The following CNTNAP2 variants were observed in gnomAD, a reference collection of about 807,000 sequenced individuals.
CNTNAP2 encodes contactin-associated protein-like 2.
A neutral mutation model predicts 155.2 loss-of-function variants in CNTNAP2; 98 were observed. The ratio of observed to expected loss-of-function variants is 0.63; its 90% CI spans 0.54 to 0.75. The LOEUF (loss-of-function observed/expected upper bound fraction) is 0.75, where lower values mean the gene tolerates loss of function less well. Among genes scored for constraint, CNTNAP2 ranks in the 30% least tolerant of loss-of-function variants. The pLI, the probability that CNTNAP2 is intolerant of heterozygous loss-of-function variation, is 0.00. For missense variants in CNTNAP2, 1,727 were observed against 1,688.1 expected (o/e 1.02, Z -0.40); for synonymous variants, 651 against 631.2 (o/e 1.03, Z -0.47).
At chr7:148,107,078 G>T (rs1804239872) in intron 15 of CNTNAP2, among the ~76,000 whole-genome samples, 1 of 152,128 alleles carries the variant, frequency 6.6e-6, no homozygotes, top group Non-Finnish European at 1.5e-5. Flanking sequence ...TCTTAGACTT[G>T]TTCCCACCCT....
intron 9 of CNTNAP2, among the ~76,000 whole-genome samples, chr7:147,320,650 A>G (rs1244859049): frequency 6.6e-6 from 1 of 152,164 alleles, no homozygotes; most frequent in Non-Finnish European, 1.5e-5. Flanking sequence ...TTACTGTGAA[A>G]TACACTCCTC....
At chr7:146,525,173 T>C (rs1402571442) in intron 1 of CNTNAP2, among the ~76,000 whole-genome samples, 1 of 152,132 alleles carries the variant, frequency 6.6e-6, no homozygotes, top group Non-Finnish European at 1.5e-5. Context: ...ATTGAATTGT[T>C]TGGGCCCTGG....
chr7:146,732,814 T>C (rs1003474085), intron 1 of CNTNAP2, among the ~76,000 whole-genome samples: 4 of 152,152 alleles, frequency 2.6e-5, no homozygotes, highest in Non-Finnish European at 4.4e-5. Context: ...CATCTCTAGA[T>C]TACTTGTAAT....
intron 1 of CNTNAP2, among the ~76,000 whole-genome samples, chr7:146,289,747 A>G (rs1800399351): frequency 6.6e-6 from 1 of 152,234 alleles, no homozygotes; most frequent in African/African-American, 2.4e-5. Context: ...TTACTAAAAA[A>G]TAAATTTTAT....
intron 3 of CNTNAP2, among the ~76,000 whole-genome samples, chr7:146,938,278 G>A (rs182806529): frequency 4.0e-4 from 60 of 151,838 alleles, no homozygotes; most frequent in Admixed American, 2.4e-3. Flanking sequence ...AATTAAGAGC[G>A]TCCTAAAATT....
chr7:147,022,646 G>T (rs1245747347), intron 3 of CNTNAP2, among the ~76,000 whole-genome samples: 1 of 146,558 alleles, frequency 6.8e-6, no homozygotes, highest in Admixed American at 6.8e-5. Flanking sequence ...TATAAAATAA[G>T]ATCTCTGGAG....
chr7:147,638,625 G>C (rs970929380), intron 12 of CNTNAP2, among the ~76,000 whole-genome samples: 3 of 152,148 alleles, frequency 2.0e-5, no homozygotes, highest in African/African-American at 7.2e-5. Flanking sequence ...TCAGTGTGAA[G>C]AGAACATTTG....
At chr7:147,429,334 G>C (rs999832223) in intron 10 of CNTNAP2, among the ~76,000 whole-genome samples, 1 of 152,020 alleles carries the variant, frequency 6.6e-6, no homozygotes, top group Admixed American at 6.6e-5. Flanking sequence ...CTGATAATTA[G>C]TGATATTGAG....
intron 18 of CNTNAP2, among the ~76,000 whole-genome samples, chr7:148,188,005 A>G (rs1342391962): frequency 6.6e-6 from 1 of 151,472 alleles, no homozygotes; most frequent in Non-Finnish European, 1.5e-5. Flanking sequence ...ACACACATGC[A>G]CACACACACA....
At position 148,267,124 on chromosome 7, in the gene CNTNAP2, T is replaced by A. The variant is rs1064794544; in HGVS notation, c.3473T>A (p.Ile1158Lys). 28 of 1,613,032 alleles carry A rather than the reference T, an allele frequency of 1.7e-5. No individual in the cohort carries two copies. Among genetic ancestry groups the A allele is most frequent in the Non-Finnish European group, 2.2e-5 (26 of 1,179,124 alleles). The change falls in exon 21 of 24, where the codon ATA (isoleucine) becomes AAA (lysine). Residue 1158 changes from isoleucine (I) to lysine (K), a missense_variant and splice_region_variant. Coordinates refer to ENST00000361727, the MANE Select transcript of CNTNAP2 (RefSeq NM_014141.6). ...AAGTCGCTCTTTCTGGGAAAAGTTA[T>A]AGGTAAGAATGTGGTTCGTTAGGTA... ...SPKSLFLGKV[I>K]ETGKIDQEIH...
At chr7:147,916,843 C>T (rs1254695022) in intron 14 of CNTNAP2, among the ~76,000 whole-genome samples, 1 of 152,158 alleles carries the variant, frequency 6.6e-6, no homozygotes, top group African/African-American at 2.4e-5. Flanking sequence ...ACTGAAAGTT[C>T]ACCCTCACAC....
At chr7:146,570,661 A>G (rs937161622) in intron 1 of CNTNAP2, among the ~76,000 whole-genome samples, 2 of 152,136 alleles carry the variant, frequency 1.3e-5, no homozygotes, top group African/African-American at 2.4e-5. Flanking sequence ...GAAATTGTCT[A>G]TATATGCTAT....
At chr7:147,397,600 A>C (rs907403119) in intron 10 of CNTNAP2, among the ~76,000 whole-genome samples, 1 of 151,976 alleles carries the variant, frequency 6.6e-6, no homozygotes, top group Admixed American at 6.6e-5. Context: ...TGAGATATTA[A>C]TGTTTTACTC....
intron 19 of CNTNAP2, 64 bp from the exon 20 acceptor site, chr7:148,229,582 G>A (rs1178978516): frequency 1.9e-6 from 3 of 1,549,178 alleles, no homozygotes; most frequent in Admixed American, 1.7e-5. Context: ...GGAATTGAGG[G>A]GATGTGACAT....
At chr7:146,543,604 TA>T (rs1215460836) in intron 1 of CNTNAP2, among the ~76,000 whole-genome samples, 3 of 151,944 alleles carry the variant, frequency 2.0e-5, no homozygotes, top group Non-Finnish European at 4.4e-5. Context: ...CATTTCACTG[TA>T]ATACCCTAAT....
At chr7:146,877,625 A>G (rs760093426) in intron 3 of CNTNAP2, among the ~76,000 whole-genome samples, 24 of 84,778 alleles carry the variant, frequency 2.8e-4, no homozygotes, top group Admixed American at 3.6e-4. Context: ...ATGTGTGTGT[A>G]TGTATGTATG....
intron 15 of CNTNAP2, among the ~76,000 whole-genome samples, chr7:148,041,834 A>C (rs2116479434): frequency 6.6e-6 from 1 of 152,326 alleles, no homozygotes; most frequent in South Asian, 2.1e-4. Context: ...AGGCTAAAAA[A>C]AGGTAGAATG....
Position 147,981,727 on chromosome 7 carries a change from A to G in CNTNAP2, c.2383+3738A>G, listed in dbSNP as rs189349079. Among the ~76,000 whole-genome samples, 261 of 152,034 alleles carry G rather than the reference A, an allele frequency of 1.7e-3. 1 individual carries two copies. The highest frequency in any genetic ancestry group is 2.6e-3 in the Non-Finnish European group (177 of 67,984). On this transcript the variant is annotated intron_variant, in intron 15 of 23. Coordinates refer to ENST00000361727, the MANE Select transcript of CNTNAP2 (RefSeq NM_014141.6). ...TCAAAATGCTAAAGAAAATCAGTGC[A>G]TGCCACTCAGATCTGCTGCATTTCC...
chr7:146,180,674 G>A (rs951750242), intron 1 of CNTNAP2, among the ~76,000 whole-genome samples: 9 of 152,064 alleles, frequency 5.9e-5, no homozygotes, highest in Non-Finnish European at 2.9e-5. Context: ...AATGATTGTT[G>A]TAGCCTCCAT....
Sources: gnomAD v4.1 joint callset for allele counts (sites outside exome capture counted in the v4.1 genomes callset) on GRCh38, gnomAD v4.1.1 for gene constraint, MANE v1.5 for transcripts, NCBI Gene and HGNC (gene_info 2026-07-23, HGNC 2026-07-21) for gene names.